GSE1: variants seen among roughly 807,000 people sequenced by gnomAD.
GSE1 encodes genetic suppressor element 1.
A neutral mutation model predicts 112.6 loss-of-function variants in GSE1; 32 were observed. The ratio of observed to expected loss-of-function variants is 0.28; its 90% confidence interval spans 0.21 to 0.38. The LOEUF (loss-of-function observed/expected upper bound fraction) is 0.38, where lower values mean the gene tolerates loss of function less well. Among genes scored for constraint, GSE1 ranks in the 10% least tolerant of loss-of-function variants. The pLI is 1.00. For synonymous variants in GSE1, 1,115 were observed against 735.6 expected, an observed-to-expected ratio of 1.52 and a Z score of -8.35; for missense variants, 2,348 against 1,699.2, an observed-to-expected ratio of 1.38 and a Z score of -6.71.
chr16:85,481,411 T>G lies in GSE1; in HGVS notation c.2464+123768T>G, dbSNP rs372357933. Among the ~76,000 whole-genome samples, 5 of 152,252 alleles carry G rather than the reference T, an allele frequency of 3.3e-5. No individual in the cohort carries two copies. In the East Asian group the frequency reaches 5.8e-4, roughly 18 times the overall value. ...GGAGCTTGATGCTTAGGAAGGGTTTTGAGGGGTGTATAGGAGTTTTCTAGA... is the reference window on the plus strand; with the variant it reads ...GGAGCTTGATGCTTAGGAAGGGTTTGGAGGGGTGTATAGGAGTTTTCTAGA... On this transcript the variant is annotated intron_variant, in intron 2 of 2. Transcript: ENST00000637419.
rs1006044800 is a variant in GSE1, at chr16:85,400,265, G to C, written c.2464+42622G>C. Among the ~76,000 whole-genome samples the C allele has an allele frequency of 3.3e-5, 5 of 151,532 alleles. No homozygotes were observed. The South Asian group carries it at 8.4e-4, about 25-fold the overall frequency. ...AGTGTAGGGTTGTGTGTGTGTGTGT[G>C]TGTGTGTGTGTGTGTGTAATTGTGT... On this transcript the variant is annotated intron_variant, in intron 2 of 2. Coordinates refer to the GSE1 transcript ENST00000637419.
chr16:85,416,703 T>G (rs148907575), intron 2 of GSE1, among the ~76,000 whole-genome samples: 53 of 152,338 alleles, frequency 3.5e-4, no homozygotes, highest in African/African-American at 1.1e-3. Context: ...CAAGAGTCCC[T>G]GGCAAAATCC....
At chr16:85,246,386 C>G (rs1251235702) in intron 1 of GSE1, among the ~76,000 whole-genome samples, 1 of 130,078 alleles carries the variant, frequency 7.7e-6, no homozygotes, top group South Asian at 2.7e-4. Flanking sequence ...TGTCTACACA[C>G]ACACCCCACA....
chr16:85,419,545 G>T lies in GSE1; in HGVS notation c.2464+61902G>T, dbSNP rs4338795. 0.12 allele frequency among the ~76,000 whole-genome samples: 17,596 copies of T among 151,680 alleles called. 1,233 individuals are homozygous for T. The highest frequency in any genetic ancestry group is 0.23 in the East Asian group (1,159 of 5,146). ...CGCCTGACCCTGGGAAATCGAGGCT[G>T]CAGTGAGCCATGACTGCATCACTGT... On this transcript the variant is annotated intron_variant, in intron 2 of 2. Coordinates refer to the GSE1 transcript ENST00000637419. The surrounding 1 kb of genome is among the most constrained non-coding windows in gnomAD (Gnocchi z 6.5).
chr16:85,504,978 C>G (rs982941307), intron 2 of GSE1, among the ~76,000 whole-genome samples: 52 of 151,758 alleles, frequency 3.4e-4, no homozygotes, highest in African/African-American at 1.2e-3. Flanking sequence ...CTTCTGTTCC[C>G]AACCATTCTC....
At chr16:85,521,760 C>A (rs2052193486) in intron 2 of GSE1, among the ~76,000 whole-genome samples, 1 of 152,230 alleles carries the variant, frequency 6.6e-6, no homozygotes, top group Admixed American at 6.5e-5. Flanking sequence ...TGCACTGGAG[C>A]CGCCCTGAGA....
chr16:85,240,913 A>G (rs1445241097), intron 1 of GSE1, among the ~76,000 whole-genome samples: 1 of 152,146 alleles, frequency 6.6e-6, no homozygotes, highest in Non-Finnish European at 1.5e-5. Context: ...TCTGTAAGTC[A>G]TGGAGAGATG....
At chr16:85,394,378 G>GA (rs2047919475) in intron 2 of GSE1, among the ~76,000 whole-genome samples, 2 of 152,160 alleles carry the variant, frequency 1.3e-5, no homozygotes, top group East Asian at 3.9e-4. Flanking sequence ...GGTGTAGAGG[G>GA]AGAGTTCTCA....
At chr16:85,262,501 C>T (rs1162878217) in intron 1 of GSE1, among the ~76,000 whole-genome samples, 2 of 152,206 alleles carry the variant, frequency 1.3e-5, no homozygotes, top group Non-Finnish European at 2.9e-5. Flanking sequence ...AGGAAGCATG[C>T]CTTGGCCTCC....
chr16:85,613,123 T>C, upstream of GSE1: 1 of 1,153,342 alleles, frequency 8.7e-7, no homozygotes, highest in Non-Finnish European at 1.1e-6. Flanking sequence ...CCTGTGTGTT[T>C]GCGGCTGAAA....
chr16:85,170,258 A>G, exon 1 of GSE1: 1 of 985,548 alleles, frequency 1.0e-6, no homozygotes, highest in Non-Finnish European at 1.2e-6. Context: ...GCCCACGCGG[A>G]TGGGGAGCCC....
chr16:85,663,753 C>T (rs914627147), intron 11 of GSE1, 139 bp downstream of exon 11: 6 of 810,774 alleles, frequency 7.4e-6, no homozygotes, highest in African/African-American at 6.9e-5. Flanking sequence ...CTCCCGGCTC[C>T]CGGGAACAGC....
intron 1 of GSE1, among the ~76,000 whole-genome samples, chr16:85,338,211 C>T (rs1469418888): frequency 6.6e-6 from 1 of 152,264 alleles, no homozygotes; most frequent in Non-Finnish European, 1.5e-5. Context: ...CATCTCTGCA[C>T]CGGCAGATCT....
At chr16:85,203,917 C>A (rs920325040) in intron 1 of GSE1, among the ~76,000 whole-genome samples, 1 of 152,084 alleles carries the variant, frequency 6.6e-6, no homozygotes, top group Non-Finnish European at 1.5e-5. Flanking sequence ...TTTATTATTT[C>A]TTGTAGAGAT....
chr16:85,211,618 G>C (rs2075227223), intron 1 of GSE1, among the ~76,000 whole-genome samples: 1 of 152,206 alleles, frequency 6.6e-6, no homozygotes, highest in African/African-American at 2.4e-5. Flanking sequence ...GGTGACTTGT[G>C]GCGGGAACCA....
chr16:85,205,375 G>T (rs781439218), intron 1 of GSE1, among the ~76,000 whole-genome samples: 24 of 152,110 alleles, frequency 1.6e-4, no homozygotes, highest in Non-Finnish European at 3.1e-4. Context: ...CCAGTGATCC[G>T]CCTGCCTTGG....
rs541199564 is a variant in GSE1, at chr16:85,336,363, C to T, written c.2284-21100C>T. ...GCCCAGACTTTGCTCAAGGAGCTCCCGGCCTAAGCATCAGCTCATCAGCTT... is the reference window on the plus strand; with the variant it reads ...GCCCAGACTTTGCTCAAGGAGCTCCTGGCCTAAGCATCAGCTCATCAGCTT... On this transcript the variant is annotated intron_variant, in intron 1 of 2. Coordinates refer to the GSE1 transcript ENST00000637419. 3.9e-5 allele frequency among the ~76,000 whole-genome samples: 6 copies of T among 152,340 alleles called. No individual in the cohort carries two copies. The East Asian group carries it at 5.8e-4, about 15-fold the overall frequency.
At chr16:85,252,059 T>C (rs141072680) in intron 1 of GSE1, among the ~76,000 whole-genome samples, 83 of 152,298 alleles carry the variant, frequency 5.4e-4, no homozygotes, top group African/African-American at 1.9e-3. Flanking sequence ...GAGAGAGCAG[T>C]TGAACCCCAG....
chr16:85,292,518 G>C (rs113655329), intron 1 of GSE1, among the ~76,000 whole-genome samples: 130 of 152,188 alleles, frequency 8.5e-4, no homozygotes, highest in African/African-American at 3.1e-3. Context: ...TAGTAGAGAT[G>C]GGGTTTCACC....
Sources: gnomAD v4.1 joint callset for allele counts (sites outside exome capture counted in the v4.1 genomes callset) on GRCh38, gnomAD v4.1.1 for gene constraint, Gnocchi (gnomAD v3.1) non-coding constraint, MANE v1.5 for transcripts, NCBI Gene and HGNC (gene_info 2026-07-23, HGNC 2026-07-21) for gene names.